Variants in SGK2 observed in about 807,000 individuals in gnomAD.
SGK2 encodes serine/threonine-protein kinase Sgk2.
In SGK2, 36 loss-of-function variants were observed where a neutral mutation model predicts 47.5. The ratio of observed to expected loss-of-function variants is 0.76; its 90% CI spans 0.58 to 1.00. The LOEUF (loss-of-function observed/expected upper bound fraction) is 1.00, where lower values mean the gene tolerates loss of function less well. Among genes scored for constraint, SGK2 ranks in the 50% least tolerant of loss-of-function variants. The pLI is 0.00. For synonymous variants in SGK2, 157 were observed against 181.9 expected, an observed-to-expected ratio of 0.86 and a Z score of 1.10; for missense variants, 404 against 467.4, an observed-to-expected ratio of 0.86 and a Z score of 1.25.
At chr20:43,576,722 C>T (rs1397954798) in intron 11 of SGK2, among the ~76,000 whole-genome samples, 1 of 152,192 alleles carries the variant, frequency 6.6e-6, no homozygotes, top group African/African-American at 2.4e-5. Context: ...GGTGGATCAC[C>T]TGAAGTCAGA....
At chr20:43,567,620 C>T (rs768051166) in intron 3 of SGK2, 45 bp from the exon 4 acceptor site, 1 of 1,589,548 alleles carries the variant, frequency 6.3e-7, no homozygotes, top group South Asian at 1.1e-5. Context: ...CACCAGGTTT[C>T]CAGACATTGC....
At chr20:43,560,414 G>A (rs1266545981) in intron 1 of SGK2, among the ~76,000 whole-genome samples, 3 of 151,348 alleles carry the variant, frequency 2.0e-5, no homozygotes, top group Non-Finnish European at 4.4e-5. Context: ...CAGGAGAATT[G>A]CTTGAACCCA....
At position 43,563,963 on chromosome 20, in the gene SGK2, C is replaced by T. The variant is rs73907820; in HGVS notation, c.-23-2510C>T. Among the ~76,000 whole-genome samples the T allele has an allele frequency of 1.6e-3, 242 of 152,336 alleles. 2 individuals carry two copies. The highest frequency in any genetic ancestry group is 5.5e-3 in the African/African-American group (230 of 41,572). On this transcript the variant is annotated intron_variant, in intron 1 of 12. Transcript: ENST00000373100. ...TGAGGCCCCTGGGCTCAGTTCCCTC[C>T]CTGACCAACTTTCTGGGCCCTAGCC...
chr20:43,565,340 C>G (rs1979633689), intron 1 of SGK2: 1 of 152,452 alleles, frequency 6.6e-6, no homozygotes, highest in Non-Finnish European at 1.5e-5. Flanking sequence ...GGGGTCAGCC[C>G]AGGAGAGGGT....
At chr20:43,574,149 C>A (rs1330950432) in intron 9 of SGK2, among the ~76,000 whole-genome samples, 1 of 152,198 alleles carries the variant, frequency 6.6e-6, no homozygotes, top group Non-Finnish European at 1.5e-5. Context: ...TGTGACTCTG[C>A]CCTTCCCTAG....
intron 9 of SGK2, 24 bp from the exon 10 acceptor site, chr20:43,574,885 A>C (rs775901288): frequency 6.3e-7 from 1 of 1,594,568 alleles, no homozygotes; most frequent in African/African-American, 1.3e-5. Flanking sequence ...ACTTATTTCA[A>C]ATAAGTGTGT....
chr20:43,570,687 C>T lies in SGK2; in HGVS notation c.431C>T (p.Ala144Val), dbSNP rs138125315. 6.8e-6 allele frequency: 11 copies of T among 1,613,488 alleles called. No homozygotes were observed. Among genetic ancestry groups the T allele is most frequent in the Non-Finnish European group, 7.6e-6 (9 of 1,179,512 alleles). The part of the protein sequence containing the change: ...PRARFYAAEV[A>V]SAIGYLHSLN... ...GCCAGGTTCTACGCTGCTGAGGTGGCCAGCGCCATTGGCTACCTGCACTCC... is the reference window on the plus strand; with the variant it reads ...GCCAGGTTCTACGCTGCTGAGGTGGTCAGCGCCATTGGCTACCTGCACTCC... Residue 144 changes from alanine to valine, a missense_variant, in exon 7 of 13, where the codon GCC (alanine) becomes GTC (valine). By Grantham distance (64) the Ala-to-Val change is moderately conservative (BLOSUM62 0). Coordinates refer to ENST00000373100, the MANE Select transcript of SGK2 (RefSeq NM_170693.3).
chr20:43,570,546 C>A, intron 6 of SGK2, 71 bp from the exon 7 acceptor site: 2 of 995,612 alleles, frequency 2.0e-6, no homozygotes, highest in South Asian at 1.5e-5. Context: ...CCGCACAGGG[C>A]GGGGAGCAGG....
At chr20:43,559,531 C>T (rs1979266531) in intron 1 of SGK2, among the ~76,000 whole-genome samples, 1 of 152,152 alleles carries the variant, frequency 6.6e-6, no homozygotes, top group African/African-American at 2.4e-5. Flanking sequence ...CATGTCACTT[C>T]CCTGTCCTTG....
Position 43,571,036 on chromosome 20 carries a change from A to G in SGK2, c.486A>G (p.Pro162=), listed in dbSNP as rs758384252. The change falls in exon 8 of 13, where the codon CCA becomes CCG. Residue 162 remains proline (P), a synonymous_variant. Transcript: ENST00000373100. ...TTATTTTCTGCAGGGATCTGAAACC[A>G]GAGAACATTCTCTTGGACTGCCAGG... ...SLNIIYRDLK[P]ENILLDCQGH... is the part of the protein sequence containing the mutation. 1.2e-6 allele frequency: 2 copies of G among 1,611,638 alleles called. No homozygotes were observed. The highest frequency in any genetic ancestry group is 1.7e-6 in the Non-Finnish European group (2 of 1,179,900).
chr20:43,570,179 A>C (rs1035394042), intron 6 of SGK2, among the ~76,000 whole-genome samples: 2 of 152,176 alleles, frequency 1.3e-5, no homozygotes, highest in African/African-American at 2.4e-5. Flanking sequence ...GTATCATCAT[A>C]TCGCCTGGAT....
At chr20:43,579,924 TG>T (rs1207512251) in intron 11 of SGK2, 47 bp from the exon 12 acceptor site, 1 of 1,255,780 alleles carries the variant, frequency 8.0e-7, no homozygotes. Context: ...AGAGCACCCA[TG>T]GGGAGGGCTA....
In SGK2 at chr20:43,576,398, G is replaced by A. The variant is rs749709512; in HGVS notation, c.849+19G>A. ...AGACTTTGTAGGTGACCTACCAGTG[G>A]AGCACTGGCCCCCATGGGGCTCGCA... is the stretch of plus-strand genomic sequence containing the variant. On this transcript the variant is annotated intron_variant, in intron 11 of 12. Transcript: ENST00000373100. The A allele has an allele frequency of 2.5e-6, 4 of 1,610,650 alleles. No homozygotes were observed. The highest frequency in any genetic ancestry group is 1.7e-4 in the Middle Eastern group (1 of 5,992).
chr20:43,562,883 A>C (rs1038475714), intron 1 of SGK2, among the ~76,000 whole-genome samples: 11 of 152,084 alleles, frequency 7.2e-5, no homozygotes, highest in African/African-American at 2.7e-4. Context: ...CTGTAATCCC[A>C]ACACTTTGGG....
intron 12 of SGK2, 23 bp from the exon 13 acceptor site, chr20:43,584,829 T>G (rs1381864457): frequency 2.8e-5 from 45 of 1,607,624 alleles, no homozygotes; most frequent in Non-Finnish European, 3.8e-5. Flanking sequence ...TGTTTTCTTC[T>G]CATCATTGGC....
intron 1 of SGK2, chr20:43,565,903 C>A (rs1461588919): frequency 1.9e-5 from 3 of 162,068 alleles, no homozygotes; most frequent in African/African-American, 7.2e-5. Context: ...AGCTGCCTTT[C>A]CTGAGGCATT....
At chr20:43,562,993 G>A (rs893294016) in intron 1 of SGK2, among the ~76,000 whole-genome samples, 2 of 151,780 alleles carry the variant, frequency 1.3e-5, no homozygotes, top group Non-Finnish European at 2.9e-5. Flanking sequence ...AAAATTAGCC[G>A]GGTATGGTGG....
chr20:43,563,141 A>G (rs1979492558), intron 1 of SGK2, among the ~76,000 whole-genome samples: 1 of 151,886 alleles, frequency 6.6e-6, no homozygotes, highest in Admixed American at 6.6e-5. Flanking sequence ...GTCTCAAAAA[A>G]AAAAAAAAGA....
chr20:43,578,446 A>G (rs539249645), intron 11 of SGK2, among the ~76,000 whole-genome samples: 1 of 152,158 alleles, frequency 6.6e-6, no homozygotes, highest in East Asian at 1.9e-4. Context: ...TGAGATGGGC[A>G]CCACTGTACT....
Sources: allele counts gnomAD v4.1 joint callset (sites outside exome capture counted in the v4.1 genomes callset), GRCh38; gene constraint gnomAD v4.1.1; transcripts MANE v1.5; gene names NCBI Gene and HGNC (gene_info 2026-07-23, HGNC 2026-07-21).